The following CNBD1 variants were observed in gnomAD, a reference collection of about 807,000 sequenced individuals.
The protein encoded by CNBD1 is cyclic nucleotide binding domain containing 1.
Under a neutral mutation model 54.4 loss-of-function variants are expected in CNBD1, and 71 were observed. The ratio of observed to expected loss-of-function variants is 1.30; its 90% CI spans 1.08 to 1.59. The LOEUF (loss-of-function observed/expected upper bound fraction) is 1.59. Among genes scored for constraint, CNBD1 ranks in the 40% most tolerant of loss-of-function variants. The pLI is 0.00. For synonymous variants in CNBD1, 182 were observed against 170.7 expected, an observed-to-expected ratio of 1.07 and a Z score of -0.51; for missense variants, 659 against 518.0, an observed-to-expected ratio of 1.27 and a Z score of -2.64.
chr8:87,254,372 C>G (rs1303606157), intron 6 of CNBD1, among the ~76,000 whole-genome samples: 3 of 152,130 alleles, frequency 2.0e-5, no homozygotes, highest in African/African-American at 7.2e-5. Flanking sequence ...GTGGTTCAAT[C>G]AAAGCATTTC....
chr8:87,396,594 A>C (rs1463968838), intron 2 of CNBD1, among the ~76,000 whole-genome samples: 1 of 151,776 alleles, frequency 6.6e-6, no homozygotes, highest in African/African-American at 2.4e-5. Flanking sequence ...ATGACTGTTG[A>C]ATATTTCTTA....
chr8:87,349,477 G>C (rs781641045), intron 8 of CNBD1, among the ~76,000 whole-genome samples: 1 of 152,180 alleles, frequency 6.6e-6, no homozygotes, highest in East Asian at 1.9e-4. Flanking sequence ...CTGGGTTCAA[G>C]CTATTCCCCT....
chr8:87,360,543 T>C (rs1040424146), intron 10 of CNBD1, among the ~76,000 whole-genome samples: 2 of 151,894 alleles, frequency 1.3e-5, no homozygotes, highest in African/African-American at 2.4e-5. Context: ...CAGAGCTTAT[T>C]ACTCAAGTCA....
At chr8:87,145,946 T>C (rs1383729621) in intron 4 of CNBD1, among the ~76,000 whole-genome samples, 1 of 152,174 alleles carries the variant, frequency 6.6e-6, no homozygotes, top group East Asian at 1.9e-4. Context: ...ATATTATCAT[T>C]ATTATAGAAA....
At chr8:87,151,303 C>G (rs558318009) in intron 4 of CNBD1, among the ~76,000 whole-genome samples, 1 of 152,300 alleles carries the variant, frequency 6.6e-6, no homozygotes, top group Admixed American at 6.5e-5. Flanking sequence ...CTACCAGATA[C>G]TGTTCTAAGC....
At chr8:87,082,026 C>T (rs565522016) in intron 4 of CNBD1, among the ~76,000 whole-genome samples, 3 of 152,300 alleles carry the variant, frequency 2.0e-5, no homozygotes, top group Middle Eastern at 6.8e-3. Context: ...GCAGCGTCTT[C>T]TTGGTGAATT....
chr8:86,965,005 AC>A (rs1398051774), intron 4 of CNBD1, among the ~76,000 whole-genome samples: 1 of 152,194 alleles, frequency 6.6e-6, no homozygotes, highest in Non-Finnish European at 1.5e-5. Flanking sequence ...AGGTGCTTAG[AC>A]CTAAGTTGTC....
intron 4 of CNBD1, among the ~76,000 whole-genome samples, chr8:86,950,732 TA>T (rs1807597407): frequency 6.6e-6 from 1 of 152,180 alleles, no homozygotes; most frequent in South Asian, 2.1e-4. Flanking sequence ...AGTGCTTCTT[TA>T]AATGTTTGAT....
intron 1 of CNBD1, among the ~76,000 whole-genome samples, chr8:86,885,894 T>A (rs1161405400): frequency 2.0e-5 from 3 of 152,240 alleles, no homozygotes; most frequent in Non-Finnish European, 4.4e-5. Flanking sequence ...TCAGGCAATG[T>A]TAATGTTAGA....
At chr8:87,317,346 T>A (rs1586007377) in intron 8 of CNBD1, among the ~76,000 whole-genome samples, 1 of 151,908 alleles carries the variant, frequency 6.6e-6, no homozygotes, top group East Asian at 1.9e-4. Context: ...GTACTGCTTT[T>A]GATGTATACA....
At chr8:86,932,367 G>A (rs1295034057) in intron 3 of CNBD1, among the ~76,000 whole-genome samples, 1 of 152,104 alleles carries the variant, frequency 6.6e-6, no homozygotes, top group Non-Finnish European at 1.5e-5. Context: ...ATAGCCCAGG[G>A]GGTTTTTTGG....
chr8:87,194,992 T>C (rs1162203450), intron 4 of CNBD1, among the ~76,000 whole-genome samples: 1 of 152,088 alleles, frequency 6.6e-6, no homozygotes, highest in East Asian at 1.9e-4. Flanking sequence ...CAAGCAATTC[T>C]CTTGCCTCAG....
At chr8:87,246,870 T>C (rs1045673097) in intron 6 of CNBD1, among the ~76,000 whole-genome samples, 1 of 152,092 alleles carries the variant, frequency 6.6e-6, no homozygotes, top group Non-Finnish European at 1.5e-5. Flanking sequence ...TATATTGTAA[T>C]ATATAATGAA....
At chr8:87,373,036 T>C (rs1563575082) in intron 10 of CNBD1, among the ~76,000 whole-genome samples, 1 of 151,818 alleles carries the variant, frequency 6.6e-6, no homozygotes, top group African/African-American at 2.4e-5. Flanking sequence ...ATTATAGTAG[T>C]TAGATTATAA....
At chr8:87,322,344 G>C (rs62526762) in intron 8 of CNBD1, among the ~76,000 whole-genome samples, 1 of 119,452 alleles carries the variant, frequency 8.4e-6, no homozygotes, top group African/African-American at 3.2e-5. Flanking sequence ...GGGTCAAATG[G>C]TATTTCTAGT....
intron 8 of CNBD1, among the ~76,000 whole-genome samples, chr8:87,335,660 T>C (rs1809930230): frequency 6.6e-6 from 1 of 152,140 alleles, no homozygotes; most frequent in Non-Finnish European, 1.5e-5. Context: ...CTTTATCCAA[T>C]TTGTCAGTCT....
intron 4 of CNBD1, among the ~76,000 whole-genome samples, chr8:87,064,409 A>G (rs896853229): frequency 2.6e-5 from 4 of 152,014 alleles, no homozygotes; most frequent in Non-Finnish European, 5.9e-5. Flanking sequence ...TTATCAAAGT[A>G]TAATGCGAAT....
intron 3 of CNBD1, among the ~76,000 whole-genome samples, chr8:86,934,598 A>G (rs552698110): frequency 6.6e-6 from 1 of 152,304 alleles, no homozygotes; most frequent in Non-Finnish European, 1.5e-5. Context: ...CACCTTCAGT[A>G]TAATATTTGC....
intron 2 of CNBD1, among the ~76,000 whole-genome samples, chr8:87,422,935 C>A (rs1807967676): frequency 6.6e-6 from 1 of 151,846 alleles, no homozygotes; most frequent in South Asian, 2.1e-4. Context: ...TTGTTTGTAT[C>A]CTCTTTTATT....
Sources: gnomAD v4.1 joint callset for allele counts (sites outside exome capture counted in the v4.1 genomes callset) on GRCh38, gnomAD v4.1.1 for gene constraint, MANE v1.5 for transcripts, NCBI Gene and HGNC (gene_info 2026-07-23, HGNC 2026-07-21) for gene names.